TMEM164: variants seen among roughly 807,000 people sequenced by gnomAD.
TMEM164 encodes RP13-360B22.2.
A neutral mutation model predicts 18.8 loss-of-function variants in TMEM164; 4 were observed. The observed-to-expected ratio is 0.21, with a 90% confidence interval of 0.10 to 0.49. The LOEUF is 0.49. Among genes scored for constraint, TMEM164 ranks in the 20% least tolerant of loss-of-function variants. The pLI is 0.98. For synonymous variants in TMEM164, 86 were observed against 101.7 expected, an observed-to-expected ratio of 0.85 and a Z score of 0.93; for missense variants, 108 against 239.9, an observed-to-expected ratio of 0.45 and a Z score of 3.63.
At chrX:110,058,261 C>CT (rs922001797) in intron 2 of TMEM164, among the ~76,000 whole-genome samples, 26 of 109,432 alleles carry the variant, frequency 2.4e-4, no homozygotes, top group African/African-American at 8.0e-4. Flanking sequence ...CCTTTTCATC[C>CT]TTTTTTTTCT....
intron 2 of TMEM164, among the ~76,000 whole-genome samples, chrX:110,022,186 C>G (rs951452419): frequency 9.3e-6 from 1 of 107,331 alleles, no homozygotes; most frequent in African/African-American, 3.7e-5. Flanking sequence ...TGAGCCTAAA[C>G]TGACCACTAG....
At chrX:110,021,450 C>G (rs780955700) in intron 2 of TMEM164, among the ~76,000 whole-genome samples, 1 of 110,952 alleles carries the variant, frequency 9.0e-6, no homozygotes, top group Non-Finnish European at 1.9e-5. Context: ...AGAAGAGTAG[C>G]TAAGTGGCCA....
intron 2 of TMEM164, among the ~76,000 whole-genome samples, chrX:110,032,011 C>T (rs1934538157): frequency 9.0e-6 from 1 of 111,082 alleles, no homozygotes; most frequent in African/African-American, 3.3e-5. Context: ...TTGCATTTCT[C>T]ACAAAAGTGT....
chrX:110,044,247 G>C (rs780517531), intron 2 of TMEM164, among the ~76,000 whole-genome samples: 1 of 112,828 alleles, frequency 8.9e-6, no homozygotes, highest in African/African-American at 3.2e-5. Flanking sequence ...TGTCTTTAGG[G>C]CTTTACAGCC....
At chrX:110,057,633 T>C (rs1935907340) in intron 2 of TMEM164, among the ~76,000 whole-genome samples, 1 of 108,284 alleles carries the variant, frequency 9.2e-6, no homozygotes, top group African/African-American at 3.4e-5. Flanking sequence ...GGTTCTGTTT[T>C]CTCCACACCC....
At chrX:110,093,947 C>T (rs113394339) in intron 3 of TMEM164, among the ~76,000 whole-genome samples, 6 of 111,452 alleles carry the variant, frequency 5.4e-5, no homozygotes, top group African/African-American at 1.6e-4. Context: ...GTTATGTACC[C>T]AGTAGTCATT....
intron 2 of TMEM164, among the ~76,000 whole-genome samples, chrX:110,035,954 T>C (rs1457730329): frequency 9.0e-6 from 1 of 110,944 alleles, no homozygotes; most frequent in Non-Finnish European, 1.9e-5. Context: ...AGGTAGTGCT[T>C]ATGTACATTC....
intron 2 of TMEM164, among the ~76,000 whole-genome samples, chrX:110,035,856 A>T (rs1934772144): frequency 9.2e-6 from 1 of 109,039 alleles, no homozygotes; most frequent in Non-Finnish European, 1.9e-5. Context: ...TTTGTAGGTC[A>T]CTTTCCTTGA....
In TMEM164 at chrX:110,124,876, A is replaced by G. The variant is rs572892977; in HGVS notation, c.507+15730A>G. 3.6e-5 allele frequency among the ~76,000 whole-genome samples: 4 copies of G among 112,348 alleles called. No individual in the cohort carries two copies. In the South Asian group the frequency reaches 1.5e-3, roughly 42 times the overall value. Reference sequence around the variant, plus strand: ...CCTGGATTATTTGGAAGAAAATCTCATGTAATTTTAACTGTAAGTATTTCA... The same window carrying G: ...CCTGGATTATTTGGAAGAAAATCTCGTGTAATTTTAACTGTAAGTATTTCA... On this transcript the variant is annotated intron_variant, in intron 4 of 6. Transcript: ENST00000372068.
chrX:110,133,814 T>G (rs2066646871), intron 4 of TMEM164, among the ~76,000 whole-genome samples: 1 of 111,981 alleles, frequency 8.9e-6, no homozygotes, highest in Admixed American at 9.5e-5. Context: ...GAAATGACTT[T>G]GGATACTTGG....
At chrX:110,117,053 A>T (rs1223951502) in intron 4 of TMEM164, among the ~76,000 whole-genome samples, 1 of 111,523 alleles carries the variant, frequency 9.0e-6, no homozygotes, top group East Asian at 2.8e-4. Context: ...AAGTTAGTTG[A>T]TGTGTGTAAA....
At chrX:110,113,097 A>G (rs1273778926) in intron 4 of TMEM164, among the ~76,000 whole-genome samples, 1 of 110,762 alleles carries the variant, frequency 9.0e-6, no homozygotes, top group Non-Finnish European at 1.9e-5. Context: ...GTGCTGGTGT[A>G]TCTGTTACAT....
chrX:110,004,009 G>T lies in TMEM164; in HGVS notation c.235G>T (p.Val79Leu), dbSNP rs1446157829. ...RGSPGSQPEQ[V>L]TQRPEEGKES... ...TAGCCCTGGCAGCCAGCCAGAGCAG[G>T]TGACCCAGCGGCCAGAGGAAGGCAA... The change falls in exon 2 of 7, where the codon GTG (valine) becomes TTG (leucine). Residue 79 changes from valine to leucine, a missense_variant. Coordinates refer to ENST00000372068, the MANE Select transcript of TMEM164 (RefSeq NM_032227.4). 16 of 1,209,463 alleles carry T rather than the reference G, an allele frequency of 1.3e-5. No homozygotes were observed. The highest frequency in any genetic ancestry group is 1.8e-5 in the Non-Finnish European group (16 of 895,080).
chrX:110,181,041 G>A (rs774462609), downstream of TMEM164, among the ~76,000 whole-genome samples: 9 of 111,493 alleles, frequency 8.1e-5, no homozygotes, highest in South Asian at 7.6e-4. Flanking sequence ...GATTTCTAGC[G>A]TGTCGGCGCT....
chrX:110,103,462 C>T (rs922249064), intron 3 of TMEM164, among the ~76,000 whole-genome samples: 5 of 111,499 alleles, frequency 4.5e-5, no homozygotes, highest in African/African-American at 1.6e-4. Flanking sequence ...TAGGGCTGCA[C>T]CCTAGTTGTC....
At chrX:110,038,183 G>T (rs1407087478) in intron 2 of TMEM164, among the ~76,000 whole-genome samples, 16 of 109,679 alleles carry the variant, frequency 1.5e-4, no homozygotes, top group Non-Finnish European at 3.0e-4. Flanking sequence ...GTAGAGAACG[G>T]GGTTTCACCG....
At chrX:110,015,550 A>AGTGTGT (rs200228472) in intron 2 of TMEM164, among the ~76,000 whole-genome samples, 96 of 99,633 alleles carry the variant, frequency 9.6e-4, no homozygotes, top group African/African-American at 1.2e-3. Context: ...CAGGAACTTG[A>AGTGTGT]GTGTGTGTGT....
intron 3 of TMEM164, among the ~76,000 whole-genome samples, chrX:110,099,770 T>G (rs1055616900): frequency 1.7e-4 from 19 of 112,345 alleles, no homozygotes; most frequent in African/African-American, 6.1e-4. Flanking sequence ...CAGAATTGCT[T>G]TGACTCTATA....
At chrX:110,027,290 G>C (rs1357732185) in intron 2 of TMEM164, among the ~76,000 whole-genome samples, 1 of 111,824 alleles carries the variant, frequency 8.9e-6, no homozygotes, top group Admixed American at 9.5e-5. Context: ...CTTCTGTTGA[G>C]ATGATCATAT....
Sources: allele counts gnomAD v4.1 joint callset (sites outside exome capture counted in the v4.1 genomes callset), GRCh38; gene constraint gnomAD v4.1.1; transcripts MANE v1.5; gene names NCBI Gene and HGNC (gene_info 2026-07-23, HGNC 2026-07-21).